Variants in ZNF567 observed in about 807,000 individuals in gnomAD.
The protein encoded by ZNF567 is zinc finger protein 567.
Under a neutral mutation model 53.9 loss-of-function variants are expected in ZNF567, and 36 were observed. The ratio of observed to expected loss-of-function variants is 0.67; its 90% CI spans 0.51 to 0.88. The LOEUF is 0.88. Ranked by LOEUF, ZNF567 falls within the 40% of genes least tolerant of loss-of-function variation. The pLI is 0.00. For synonymous variants in ZNF567, 224 were observed against 260.4 expected (o/e 0.86, Z 1.35); for missense variants, 619 against 764.7 (o/e 0.81, Z 2.25).
At chr19:36,693,068 G>T (rs1285648262) in intron 2 of ZNF567, among the ~76,000 whole-genome samples, 1 of 152,042 alleles carries the variant, frequency 6.6e-6, no homozygotes, top group African/African-American at 2.4e-5. Flanking sequence ...CAGGAAGATC[G>T]CTTGAGCCCA....
chr19:36,694,984 C>A, intron 3 of ZNF567, 108 bp downstream of exon 3: 1 of 1,225,210 alleles, frequency 8.2e-7, no homozygotes, highest in South Asian at 1.5e-5. Context: ...CTATCTTTCC[C>A]TTCAGAAAAC....
chr19:36,689,942 C>G (rs995528374), intron 2 of ZNF567, among the ~76,000 whole-genome samples: 9 of 152,190 alleles, frequency 5.9e-5, no homozygotes, highest in African/African-American at 1.9e-4. Flanking sequence ...CTCTCAGCCT[C>G]TCCACTGTCT....
chr19:36,700,922 T>C (rs1323910482), intron 3 of ZNF567, among the ~76,000 whole-genome samples: 1 of 152,116 alleles, frequency 6.6e-6, no homozygotes, highest in Non-Finnish European at 1.5e-5. Flanking sequence ...CTCTATTTCC[T>C]TCAGTTCTGC....
chr19:36,693,347 G>C (rs1333815314), intron 2 of ZNF567, among the ~76,000 whole-genome samples: 3 of 151,998 alleles, frequency 2.0e-5, no homozygotes, highest in Non-Finnish European at 1.5e-5. Flanking sequence ...ACATGCCTAT[G>C]GTCCCTGCTA....
chr19:36,690,504 C>T (rs1336998578), intron 2 of ZNF567, among the ~76,000 whole-genome samples: 1 of 152,142 alleles, frequency 6.6e-6, no homozygotes, highest in Non-Finnish European at 1.5e-5. Flanking sequence ...GTGGGAGGAT[C>T]ACCTGAGCCC....
chr19:36,722,425 C>A (rs1395402132), downstream of ZNF567, among the ~76,000 whole-genome samples: 1 of 152,126 alleles, frequency 6.6e-6, no homozygotes, highest in African/African-American at 2.4e-5. Context: ...CCTCAGCCTC[C>A]CAAGTAGCTG....
At position 36,719,604 on chromosome 19, in the gene ZNF567, T is replaced by C. The variant is rs755274827; in HGVS notation, c.880T>C (p.Ser294Pro). 13 of 1,613,988 alleles carry C rather than the reference T, an allele frequency of 8.1e-6. No individual in the cohort carries two copies. The East Asian group carries it at 2.9e-4, about 36-fold the overall frequency. ...ATGTGGAAATGCATTTAGAAGGAAATCATATCTCATTGATCATCAGAGAAC... is the reference window on the plus strand; with the variant it reads ...ATGTGGAAATGCATTTAGAAGGAAACCATATCTCATTGATCATCAGAGAAC... The part of the protein sequence containing the change: ...HQCGNAFRRK[S>P]YLIDHQRTHT... Residue 294 changes from serine to proline, a missense_variant, in exon 6 of 6, where the codon TCA (serine) becomes CCA (proline). Transcript: ENST00000682579.
chr19:36,719,398 T>C lies in ZNF567; in HGVS notation c.674T>C (p.Leu225Pro). Reference protein sequence around the residue: ...CEKSFLQRGGLITHSRPYKGE... With the variant: ...CEKSFLQRGGPITHSRPYKGE... Reference sequence around the variant, plus strand: ...AAATCATTCCTTCAAAGGGGAGGCCTGATTACACATAGTAGACCTTACAAA... The same window carrying C: ...AAATCATTCCTTCAAAGGGGAGGCCCGATTACACATAGTAGACCTTACAAA... Residue 225 changes from leucine (L) to proline (P), a missense_variant, in exon 6 of 6, where the codon CTG (leucine) becomes CCG (proline). Physicochemically the swap from Leu to Pro is moderately conservative, Grantham distance 98 (BLOSUM62 -3). Transcript: ENST00000682579. 6.2e-7 allele frequency: 1 copy of C among 1,613,864 alleles called. No individual in the cohort carries two copies. The highest frequency in any genetic ancestry group is 8.5e-7 in the Non-Finnish European group (1 of 1,179,978).
At chr19:36,696,743 G>A (rs1203538402) in intron 3 of ZNF567, among the ~76,000 whole-genome samples, 1 of 152,108 alleles carries the variant, frequency 6.6e-6, no homozygotes. Context: ...ACTTCTCCAA[G>A]GGCTCACCCC....
chr19:36,671,319 A>C, the ZNF567 span, among the ~76,000 whole-genome samples: 1 of 152,128 alleles, frequency 6.6e-6, no homozygotes, highest in African/African-American at 2.4e-5. Context: ...GCATGGTGAG[A>C]TATCCCTTCT....
At chr19:36,676,055 C>CTTTTTTTTT in the ZNF567 span, among the ~76,000 whole-genome samples, 1,981 of 60,646 alleles carry the variant, frequency 0.033, 483 homozygotes, top group Non-Finnish European at 0.042. Flanking sequence ...TATTCTACAC[C>CTTTTTTTTT]TTTTTTTTTT....
At chr19:36,677,155 CAAAA>C in the ZNF567 span, among the ~76,000 whole-genome samples, 2 of 28,240 alleles carry the variant, frequency 7.1e-5, no homozygotes, top group African/African-American at 1.5e-4. Context: ...AACTCCGTCT[CAAAA>C]AAAAAAAAAA....
At chr19:36,678,798 C>T in the ZNF567 span, among the ~76,000 whole-genome samples, 6 of 150,104 alleles carry the variant, frequency 4.0e-5, no homozygotes, top group East Asian at 1.0e-3. Flanking sequence ...GAGCCGAGAT[C>T]GCCCACTGCA....
chr19:36,718,568 C>T (rs1410832178), intron 5 of ZNF567, among the ~76,000 whole-genome samples: 3 of 152,042 alleles, frequency 2.0e-5, no homozygotes, highest in Non-Finnish European at 2.9e-5. Flanking sequence ...CTAGTATTTT[C>T]GCTAAACAAA....
chr19:36,720,638 T>A lies in ZNF567; in HGVS notation c.1914T>A (p.Thr638=). 4 of 1,558,860 alleles carry A rather than the reference T, an allele frequency of 2.6e-6. No individual in the cohort carries two copies. The highest frequency in any genetic ancestry group is 3.5e-6 in the Non-Finnish European group (4 of 1,154,818). Residue 638 remains threonine (T), a synonymous_variant, in exon 6 of 6, where the codon ACT becomes ACA. Coordinates refer to ENST00000682579, the MANE Select transcript of ZNF567 (RefSeq NM_001322917.1). ...GAAACCTCATTGTCCATCAAAGAACTCACAAGGGAGAAAACATTGAAATGC... is the reference window on the plus strand; with the variant it reads ...GAAACCTCATTGTCCATCAAAGAACACACAAGGGAGAAAACATTGAAATGC... ...YKRNLIVHQR[T]HKGENIEMQ
chr19:36,666,991 G>A, the ZNF567 span: 1 of 152,344 alleles, frequency 6.6e-6, no homozygotes, highest in Non-Finnish European at 1.5e-5. Flanking sequence ...TTCGGATTCT[G>A]GACTTCGGGT....
intron 2 of ZNF567, among the ~76,000 whole-genome samples, chr19:36,694,481 A>G (rs2145598523): frequency 6.6e-6 from 1 of 152,328 alleles, no homozygotes; most frequent in South Asian, 2.1e-4. Context: ...TATTGCTGGC[A>G]GTACTATGAA....
At chr19:36,688,806 C>A (rs1000439115) in intron 1 of ZNF567, among the ~76,000 whole-genome samples, 61 of 112,098 alleles carry the variant, frequency 5.4e-4, no homozygotes, top group Admixed American at 4.8e-4. Context: ...GACTCCGTCT[C>A]AAAAAAAAAA....
downstream of ZNF567, among the ~76,000 whole-genome samples, chr19:36,724,282 A>C (rs992957386): frequency 6.6e-6 from 1 of 151,846 alleles, no homozygotes; most frequent in Non-Finnish European, 1.5e-5. Context: ...CTGGGATTAC[A>C]GGCGTGAGCC....
Sources: allele counts gnomAD v4.1 joint callset (sites outside exome capture counted in the v4.1 genomes callset), GRCh38; gene constraint gnomAD v4.1.1; transcripts MANE v1.5; gene names NCBI Gene and HGNC (gene_info 2026-07-23, HGNC 2026-07-21).